Variants in INCA1 observed in about 807,000 individuals in gnomAD.
The protein encoded by INCA1 is protein INCA1.
INCA1 carries 28 observed loss-of-function variants against 25.7 expected under a neutral mutation model. The observed-to-expected ratio is 1.09, with a 90% CI of 0.81 to 1.49. The LOEUF (loss-of-function observed/expected upper bound fraction) is 1.49. Ranked by LOEUF, INCA1 falls within the 40% of genes most tolerant of loss-of-function variation. INCA1 has a pLI of 0.00. For missense variants in INCA1, 309 were observed against 290.9 expected, an observed-to-expected ratio of 1.06 and a Z score of -0.45; for synonymous variants, 111 against 103.6, an observed-to-expected ratio of 1.07 and a Z score of -0.43.
exon 5 of INCA1, chr17:4,989,504 C>G (rs1418207746): frequency 1.2e-6 from 2 of 1,614,110 alleles, no homozygotes; most frequent in African/African-American, 1.3e-5. Flanking sequence ...GGGACTCCCC[C>G]AAGGCCCTGC....
rs1974104068 is a variant in INCA1 at position 4,994,582 on chromosome 17, G to T, written c.-38-107C>A. 1.5e-5 allele frequency: 11 copies of T among 747,714 alleles called. No individual in the cohort carries two copies. In the South Asian group the frequency reaches 1.7e-4, roughly 11 times the overall value. 46.3% of individuals were successfully genotyped at this position (747,714 alleles called of 1,614,324 possible). A position where few individuals can be genotyped will look rare whatever the true frequency, so the allele number is the denominator to read the frequency against. ...CAAGGCGGGCGGATCATGAGGTCAG[G>T]AGTTCAAGACCAGCCTGGCCAATAT... On this transcript the variant is annotated intron_variant, in intron 1 of 6. Coordinates refer to ENST00000576820, the Ensembl canonical transcript of INCA1.
upstream of INCA1, chr17:4,997,177 C>T (rs1160316616): frequency 6.6e-6 from 1 of 152,580 alleles, no homozygotes; most frequent in Non-Finnish European, 1.5e-5. Flanking sequence ...AGGGCGCGGC[C>T]TGCGCCTGAA....
At chr17:4,989,904 T>C in exon 4 of INCA1, 1 of 1,614,132 alleles carries the variant, frequency 6.2e-7, no homozygotes, top group Non-Finnish European at 8.5e-7. Flanking sequence ...ATGGGTGGAA[T>C]GTGCTGCTCC....
At chr17:4,994,789 CAAAAAAAAAAAAAAA>C (rs34186821) in intron 1 of INCA1, among the ~76,000 whole-genome samples, 1 of 70,822 alleles carries the variant, frequency 1.4e-5, no homozygotes, top group Non-Finnish European at 2.5e-5. Flanking sequence ...GACTCTGTCT[CAAAAAAAAAAAAAAA>C]AAAAAAAAAG....
intron 2 of INCA1, among the ~76,000 whole-genome samples, chr17:4,991,110 G>A (rs924792311): frequency 6.6e-6 from 1 of 151,562 alleles, no homozygotes; most frequent in Admixed American, 6.6e-5. Flanking sequence ...TAGAGACGGG[G>A]TTTTGCCATG....
At chr17:4,989,991 TTAA>T in intron 3 of INCA1, 62 bp from the exon 4 acceptor site, 5 of 1,612,492 alleles carry the variant, frequency 3.1e-6, no homozygotes, top group Non-Finnish European at 4.2e-6. Context: ...TATTGCTTCT[TTAA>T]TAATCTCTCC....
At chr17:4,994,511 G>C in intron 1 of INCA1, 36 bp from the exon 2 acceptor site, 1 of 1,538,304 alleles carries the variant, frequency 6.5e-7, no homozygotes, top group East Asian at 2.3e-5. Context: ...ATTCATTCGG[G>C]CTGGATGTGG....
intron 1 of INCA1, among the ~76,000 whole-genome samples, chr17:4,996,212 C>G (rs906937250): frequency 1.3e-5 from 2 of 151,784 alleles, no homozygotes; most frequent in African/African-American, 4.8e-5. Context: ...TGGCGAAACC[C>G]CCTCTTTACC....
chr17:4,991,227 C>T (rs911270239), intron 2 of INCA1, among the ~76,000 whole-genome samples: 3 of 152,060 alleles, frequency 2.0e-5, no homozygotes, highest in South Asian at 2.1e-4. Context: ...CTAATCTCAA[C>T]GTTTTAAGAA....
In INCA1 at chr17:4,989,417, C is replaced by G; in HGVS notation, c.395+11G>C. The G allele has an allele frequency of 6.2e-7, 1 of 1,608,460 alleles. No homozygotes were observed. Among genetic ancestry groups the G allele is most frequent in the Non-Finnish European group, 8.5e-7 (1 of 1,176,022 alleles). ...CATGACTCCCAGAACCCAGATGTCT[C>G]CCTTCCTTACTCGTTGATGATGCTC... is the stretch of plus-strand genomic sequence containing the variant. On this transcript the variant is annotated intron_variant, in intron 5 of 6. Transcript: ENST00000576820.
intron 1 of INCA1, among the ~76,000 whole-genome samples, chr17:4,995,116 A>G (rs953231514): frequency 3.9e-5 from 6 of 152,054 alleles, no homozygotes; most frequent in Non-Finnish European, 5.9e-5. Flanking sequence ...GAGGCAGAAG[A>G]ATCACTTGAA....
chr17:4,989,315 C>T (rs1415799776), intron 5 of INCA1, 113 bp downstream of exon 5: 29 of 1,020,222 alleles, frequency 2.8e-5, no homozygotes, highest in Non-Finnish European at 3.8e-5. Flanking sequence ...GCAACCTCCC[C>T]TCAAAGCTCC....
At chr17:4,994,395 T>C (rs1410945964) in exon 2 of INCA1, 1 of 1,613,876 alleles carries the variant, frequency 6.2e-7, no homozygotes. Context: ...AGGACTCACT[T>C]GGCAAAGGGG....
intron 2 of INCA1, among the ~76,000 whole-genome samples, chr17:4,991,702 T>C (rs1973886753): frequency 6.6e-6 from 1 of 152,212 alleles, no homozygotes; most frequent in East Asian, 1.9e-4. Context: ...CCCTGGTTCC[T>C]CTCTGGGCTC....
At chr17:4,988,387 G>C in exon 7 of INCA1, 1 of 1,580,232 alleles carries the variant, frequency 6.3e-7, no homozygotes, top group Non-Finnish European at 8.6e-7. Context: ...CTAGCCTCTC[G>C]GCATCGGTGG....
At chr17:4,995,366 C>T (rs1008791055) in intron 1 of INCA1, among the ~76,000 whole-genome samples, 3 of 152,058 alleles carry the variant, frequency 2.0e-5, no homozygotes, top group African/African-American at 4.8e-5. Context: ...GGCAGTTAAG[C>T]GACAACTGGC....
intron 2 of INCA1, among the ~76,000 whole-genome samples, chr17:4,991,417 A>G (rs1435769546): frequency 1.3e-5 from 2 of 152,214 alleles, no homozygotes; most frequent in Admixed American, 1.3e-4. Flanking sequence ...GCAAGGATCC[A>G]GGGGAGAGAA....
chr17:4,990,725 C>G (rs1274202603), intron 2 of INCA1, among the ~76,000 whole-genome samples: 6 of 150,982 alleles, frequency 4.0e-5, no homozygotes, highest in Non-Finnish European at 8.9e-5. Context: ...CTACTAAAAT[C>G]ACAAAAAATT....
At chr17:4,989,958 T>G (rs1487461945) in intron 3 of INCA1, 29 bp from the exon 4 acceptor site, 6 of 1,613,954 alleles carry the variant, frequency 3.7e-6, no homozygotes, top group Non-Finnish European at 5.1e-6. Context: ...GGGCTATAAG[T>G]GCAGAGGGGA....
Sources: allele counts gnomAD v4.1 joint callset (sites outside exome capture counted in the v4.1 genomes callset), GRCh38; gene constraint gnomAD v4.1.1; transcripts MANE v1.5; gene names NCBI Gene and HGNC (gene_info 2026-07-23, HGNC 2026-07-21).